Variants in PAPLN observed in about 807,000 individuals in gnomAD.
PAPLN encodes papilin.
In PAPLN, 146 loss-of-function variants were observed where a neutral mutation model predicts 159.0. The ratio of observed to expected loss-of-function variants is 0.92; its 90% CI spans 0.80 to 1.05. The LOEUF (loss-of-function observed/expected upper bound fraction) is 1.05, where lower values mean the gene tolerates loss of function less well. PAPLN is among the 50% of genes least tolerant of loss of function. PAPLN has a pLI of 0.00. For missense variants in PAPLN, 1,720 were observed against 1,743.9 expected (o/e 0.99, Z 0.24); for synonymous variants, 734 against 702.9 (o/e 1.04, Z -0.70).
rs148438999 is a variant in PAPLN, at chr14:73,250,967, G to A, written c.526G>A (p.Gly176Arg). Residue 176 changes from glycine to arginine, a missense_variant, in exon 7 of 27, where the codon GGG becomes AGG. Coordinates refer to ENST00000644200, the MANE Select transcript of PAPLN (RefSeq NM_001365906.3). Reference sequence around the variant, plus strand: ...GCAGGAGGACAAGTGTCTGCGGTGTGGGGGTGACGGCACGACCTGCTACCC... The same window carrying A: ...GCAGGAGGACAAGTGTCTGCGGTGTAGGGGTGACGGCACGACCTGCTACCC... ...SKQEDKCLRC[G>R]GDGTTCYPVA... The A allele has an allele frequency of 6.2e-7, 1 of 1,613,746 alleles. No homozygotes were observed. Among genetic ancestry groups the A allele is most frequent in the Non-Finnish European group, 8.5e-7 (1 of 1,179,940 alleles).
intron 5 of PAPLN, among the ~76,000 whole-genome samples, chr14:73,247,840 G>GTGTT (rs1884678772): frequency 9.4e-6 from 1 of 106,768 alleles, no homozygotes; most frequent in Admixed American, 9.4e-5. Context: ...GTGTGTGTGT[G>GTGTT]GTGGCGATCG....
In PAPLN at chr14:73,263,997, C is replaced by T. The variant is rs762796644; in HGVS notation, c.2862-214C>T. The T allele has an allele frequency of 4.7e-5, 71 of 1,498,824 alleles. No individual in the cohort carries two copies. The South Asian group carries it at 7.0e-4, about 15-fold the overall frequency. The allele number at this position is 1,498,824 out of a possible 1,614,324, so 92.8% of individuals were successfully genotyped here. ...ACAGGTGTGTGTGACAGCCCCCCGA[C>T]CTCCTCTGACAGGTTCACGTGACAG... On this transcript the variant is annotated intron_variant, in intron 20 of 26. Transcript: ENST00000644200.
At position 73,265,449 on chromosome 14, in the gene PAPLN, G is replaced by C. The variant is rs746253369; in HGVS notation, c.3205G>C (p.Gly1069Arg). The change falls in exon 23 of 27, where the codon GGC becomes CGC. Residue 1069 changes from glycine to arginine, a missense_variant. Physicochemically the swap from Gly to Arg is moderately radical, Grantham distance 125. Transcript: ENST00000644200. The surrounding 1 kb of genome is among the most constrained non-coding windows in gnomAD (Gnocchi z 4.1). ...QRIRMTCRAE[G>R]FPPPAIEWQR... is the part of the protein sequence containing the mutation. ...GATCCGGATGACCTGCCGTGCCGAAGGCTTCCCGCCCCCAGCCATCGAGTG... is the reference window on the plus strand; with the variant it reads ...GATCCGGATGACCTGCCGTGCCGAACGCTTCCCGCCCCCAGCCATCGAGTG... 4.3e-6 allele frequency: 7 copies of C among 1,613,578 alleles called. No individual in the cohort carries two copies. The highest frequency in any genetic ancestry group is 5.1e-6 in the Non-Finnish European group (6 of 1,180,042).
Position 73,252,562 on chromosome 14 carries a change from G to A in PAPLN, c.968-87G>A, listed in dbSNP as rs1885406864. 18 of 1,511,234 alleles carry A rather than the reference G, an allele frequency of 1.2e-5. No individual in the cohort carries two copies. The South Asian group carries it at 2.2e-4, about 18-fold the overall frequency. 93.6% of individuals were successfully genotyped at this position (1,511,234 alleles called of 1,614,324 possible). ...AAGACTGAATGGGGATGACCTGTGG[G>A]GTGAGTGCAGGATGGCGCCTGGCCC... On this transcript the variant is annotated intron_variant, in intron 10 of 26. Coordinates refer to ENST00000644200, the MANE Select transcript of PAPLN (RefSeq NM_001365906.3).
chr14:73,262,300 G>T (rs780278403), intron 18 of PAPLN, 50 bp from the exon 19 acceptor site: 1 of 1,533,476 alleles, frequency 6.5e-7, no homozygotes, highest in Non-Finnish European at 8.9e-7. Flanking sequence ...GGAGGGTGCA[G>T]CTTTAGTACT....
At position 73,250,956 on chromosome 14, in the gene PAPLN, G is replaced by T; in HGVS notation, c.515G>T (p.Cys172Phe). 6.2e-7 allele frequency: 1 copy of T among 1,613,826 alleles called. No individual in the cohort carries two copies. The highest frequency in any genetic ancestry group is 8.5e-7 in the Non-Finnish European group (1 of 1,179,962). The change falls in exon 7 of 27, where the codon TGT becomes TTT. Residue 172 changes from cysteine (C) to phenylalanine (F), a missense_variant. By Grantham distance (205) the Cys-to-Phe change is radical. Coordinates refer to ENST00000644200, the MANE Select transcript of PAPLN (RefSeq NM_001365906.3). Reference sequence around the variant, plus strand: ...GACTCGTCCAAGCAGGAGGACAAGTGTCTGCGGTGTGGGGGTGACGGCACG... The same window carrying T: ...GACTCGTCCAAGCAGGAGGACAAGTTTCTGCGGTGTGGGGGTGACGGCACG... Reference protein sequence around the residue: ...ELDSSKQEDKCLRCGGDGTTC... With the variant: ...ELDSSKQEDKFLRCGGDGTTC...
Position 73,245,789 on chromosome 14 carries a change from G to T in PAPLN, c.231+93G>T. 6.8e-7 allele frequency: 1 copy of T among 1,470,580 alleles called. No individual in the cohort carries two copies. The highest frequency in any genetic ancestry group is 1.3e-5 in the South Asian group (1 of 78,294). 91.1% of individuals were successfully genotyped at this position (1,470,580 alleles called of 1,614,324 possible). On this transcript the variant is annotated intron_variant, in intron 4 of 26. Coordinates refer to ENST00000644200, the MANE Select transcript of PAPLN (RefSeq NM_001365906.3). This position sits in a 1 kb window ranked among gnomAD's most constrained non-coding sequence, Gnocchi z 4.2. The stretch of plus-strand genomic sequence containing the variant: ...GGATGCCCGCTCCTGGCCGCGGGCT[G>T]CTGGGTTGGCCCAGCCTGGGGTCCT...
chr14:73,246,212 T>G, intron 5 of PAPLN, 37 bp downstream of exon 5: 3 of 1,510,548 alleles, frequency 2.0e-6, no homozygotes, highest in Non-Finnish European at 2.7e-6. Flanking sequence ...CGGGGCCTCT[T>G]GTATACCTAC....
Position 73,262,745 on chromosome 14 carries a change from G to A in PAPLN, c.2641G>A (p.Gly881Arg). 1.3e-6 allele frequency: 2 copies of A among 1,512,648 alleles called. No homozygotes were observed. The highest frequency in any genetic ancestry group is 1.4e-5 in the South Asian group (1 of 73,074). 93.7% of individuals were successfully genotyped at this position (1,512,648 alleles called of 1,614,324 possible). A position where few individuals can be genotyped will look rare whatever the true frequency, so the allele number is the denominator to read the frequency against. The change falls in exon 19 of 27, where the codon GGG becomes AGG. Residue 881 changes from glycine to arginine, a missense_variant. Physicochemically the swap from Gly to Arg is moderately radical, Grantham distance 125 (BLOSUM62 -2). Transcript: ENST00000644200. ...HTQAFGEWPW[G>R]QELGSRAPGL... ...CCAGGCCTTTGGAGAATGGCCATGG[G>A]GGCAGGAGCTTGGGTCCAGGGCCCC...
At chr14:73,272,428 G>A in intron 26 of PAPLN, 67 bp from the exon 27 acceptor site, 1 of 1,367,458 alleles carries the variant, frequency 7.3e-7, no homozygotes, top group Middle Eastern at 2.7e-4. Context: ...AAATGAAATG[G>A]CAGGTGAGAA....
intron 16 of PAPLN, 117 bp from the exon 17 acceptor site, chr14:73,260,592 C>T: frequency 7.7e-7 from 1 of 1,296,024 alleles, no homozygotes; most frequent in Non-Finnish European, 9.9e-7. Context: ...ACGTCCTCTC[C>T]CCCCCAGGTC....
Position 73,245,715 on chromosome 14 carries a change from G to T in PAPLN, c.231+19G>T. The T allele has an allele frequency of 1.3e-6, 2 of 1,540,060 alleles. No homozygotes were observed. The highest frequency in any genetic ancestry group is 8.7e-7 in the Non-Finnish European group (1 of 1,147,172). ...CACGGAGGTAAAGCTCACGGGGCGC[G>T]GGCGAAGGCACCAGCTTCCCCAGCC... On this transcript the variant is annotated intron_variant, in intron 4 of 26. Coordinates refer to ENST00000644200, the MANE Select transcript of PAPLN (RefSeq NM_001365906.3). This position sits in a 1 kb window ranked among gnomAD's most constrained non-coding sequence, Gnocchi z 4.2.
intron 11 of PAPLN, 85 bp downstream of exon 11, chr14:73,252,860 G>T: frequency 2.6e-6 from 4 of 1,567,048 alleles, no homozygotes; most frequent in Non-Finnish European, 2.6e-6. Context: ...TGCTTTAGGT[G>T]TAGAACAAAG....
chr14:73,245,958 G>A lies in PAPLN; in HGVS notation c.232-115G>A. On this transcript the variant is annotated intron_variant, in intron 4 of 26. Coordinates refer to ENST00000644200, the MANE Select transcript of PAPLN (RefSeq NM_001365906.3). This position sits in a 1 kb window ranked among gnomAD's most constrained non-coding sequence, Gnocchi z 4.2. ...CGGGGGGCGGACTCCACCTCCGGCG[G>A]CTCCGATGGGGCAGGCAAGGGAGAC... 5 of 1,101,088 alleles carry A rather than the reference G, an allele frequency of 4.5e-6. No individual in the cohort carries two copies. Among genetic ancestry groups the A allele is most frequent in the Non-Finnish European group, 6.3e-6 (5 of 798,268 alleles). The allele number at this position is 1,101,088 out of a possible 1,614,324, so 68.2% of individuals were successfully genotyped here.
chr14:73,264,860 C>A, intron 22 of PAPLN, 134 bp downstream of exon 22: 1 of 1,421,206 alleles, frequency 7.0e-7, no homozygotes, highest in Non-Finnish European at 9.5e-7. Flanking sequence ...GAGGCCAGGC[C>A]TAGAAAAACA....
rs1285053945 is a variant in PAPLN, at chr14:73,247,796, CCGTGTGTGTGTGTGTGTGTGTGTGTGTG to C, written c.334+1622_334+1649del. The stretch of plus-strand genomic sequence containing the variant: ...CGTGGCCCAGTGGGAGTCTCTTATC[CCGTGTGTGTGTGTGTGTGTGTGTGTGTG>C]TGTGTGTGTGTGTGTGGTGGCGATC... On this transcript the variant is annotated intron_variant, in intron 5 of 26. Transcript: ENST00000644200. 7.1e-4 allele frequency among the ~76,000 whole-genome samples: 43 copies of C among 60,626 alleles called. 1 individual carries two copies. The highest frequency in any genetic ancestry group is 1.1e-3 in the Non-Finnish European group (39 of 34,154). 39.8% of individuals were successfully genotyped at this position (60,626 alleles called of 152,430 possible). A position where few individuals can be genotyped will look rare whatever the true frequency, so the allele number is the denominator to read the frequency against.
At chr14:73,256,705 A>G (rs138275011) in intron 14 of PAPLN, among the ~76,000 whole-genome samples, 158 of 152,108 alleles carry the variant, frequency 1.0e-3, no homozygotes, top group African/African-American at 3.4e-3. Flanking sequence ...CAACATGGCA[A>G]AACCCCTTCT....
intron 15 of PAPLN, 40 bp from the exon 16 acceptor site, chr14:73,259,229 C>T: frequency 6.5e-7 from 1 of 1,528,706 alleles, no homozygotes. Context: ...GGGGAGGAGC[C>T]AGGTGGACGC....
intron 1 of PAPLN, among the ~76,000 whole-genome samples, chr14:73,238,492 T>C (rs59289091): frequency 0.052 from 7,882 of 152,080 alleles, 705 homozygotes; most frequent in African/African-American, 0.18. Context: ...GGGCTTGGAG[T>C]TCAGTGAAAT....
Sources: allele counts gnomAD v4.1 joint callset (sites outside exome capture counted in the v4.1 genomes callset), GRCh38; gene constraint gnomAD v4.1.1; non-coding constraint Gnocchi (gnomAD v3.1); transcripts MANE v1.5; gene names NCBI Gene and HGNC (gene_info 2026-07-23, HGNC 2026-07-21).